Variants in PRR14L observed in about 807,000 individuals in gnomAD.
PRR14L encodes protein PRR14L.
PRR14L carries 80 observed loss-of-function variants against 155.0 expected under a neutral mutation model. That is an observed-to-expected ratio of 0.52 (90% CI 0.43 to 0.62). The LOEUF (loss-of-function observed/expected upper bound fraction) is 0.62. Among genes scored for constraint, PRR14L ranks in the 20% least tolerant of loss-of-function variants. The probability of loss-of-function intolerance (pLI) is 0.00; values close to 1 mark genes in which losing one functional copy is unlikely to be tolerated. For synonymous variants in PRR14L, 883 were observed against 916.0 expected (o/e 0.96, Z 0.65); for missense variants, 2,469 against 2,548.0 (o/e 0.97, Z 0.67).
At chr22:31,704,201 C>T (rs900041531) in intron 5 of PRR14L, among the ~76,000 whole-genome samples, 8 of 152,092 alleles carry the variant, frequency 5.3e-5, no homozygotes, top group African/African-American at 1.9e-4. Flanking sequence ...CCTGTATCTA[C>T]ATATGTAAAA....
At chr22:31,733,809 C>A (rs1483570242) in intron 2 of PRR14L, among the ~76,000 whole-genome samples, 1 of 152,046 alleles carries the variant, frequency 6.6e-6, no homozygotes, top group African/African-American at 2.4e-5. Context: ...AAAAGCGACA[C>A]CCTTAAATCA....
rs556234085 is a variant in PRR14L, at chr22:31,684,382, C to A, written c.*1145G>T. On this transcript the variant is annotated 3_prime_UTR_variant, in exon 9 of 9. Coordinates refer to ENST00000327423, the MANE Select transcript of PRR14L (RefSeq NM_173566.3). The stretch of plus-strand genomic sequence containing the variant: ...CCCGACTCTCTCCCCACACTTGAAG[C>A]GGGCTGCCTGGAAAGCCACAAATAC... 1 of 152,198 alleles carries A rather than the reference C, an allele frequency of 6.6e-6. No individual in the cohort carries two copies. Among genetic ancestry groups the A allele is most frequent in the Non-Finnish European group, 1.5e-5 (1 of 68,050 alleles). 9.4% of individuals were successfully genotyped at this position (152,198 alleles called of 1,614,324 possible). A position where few individuals can be genotyped will look rare whatever the true frequency, so the allele number is the denominator to read the frequency against.
chr22:31,710,499 C>T (rs1325404346), intron 4 of PRR14L, among the ~76,000 whole-genome samples: 1 of 151,618 alleles, frequency 6.6e-6, no homozygotes, highest in Non-Finnish European at 1.5e-5. Flanking sequence ...GTCGCCCAGG[C>T]TGGAGTGCCG....
At chr22:31,726,815 T>C (rs1330089518) in intron 2 of PRR14L, among the ~76,000 whole-genome samples, 1 of 150,572 alleles carries the variant, frequency 6.6e-6, no homozygotes, top group Non-Finnish European at 1.5e-5. Context: ...GGAAACCATA[T>C]AAAACACCCA....
chr22:31,710,654 C>T (rs1028083410), intron 4 of PRR14L, among the ~76,000 whole-genome samples: 6 of 152,002 alleles, frequency 3.9e-5, no homozygotes, highest in Non-Finnish European at 7.4e-5. Context: ...CGGGGTTTCA[C>T]GGTGTTAGCC....
intron 3 of PRR14L, among the ~76,000 whole-genome samples, chr22:31,723,813 T>G (rs1180936509): frequency 6.6e-6 from 1 of 152,162 alleles, no homozygotes; most frequent in Non-Finnish European, 1.5e-5. Context: ...GAGTCAAATC[T>G]GATGTTTCAT....
In PRR14L at chr22:31,715,558, T is replaced by G. The variant is rs1466779050; in HGVS notation, c.2281A>C (p.Asn761His). Residue 761 changes from asparagine to histidine, a missense_variant, in exon 4 of 9, where the codon AAT (asparagine) becomes CAT (histidine). Transcript: ENST00000327423. ...GGAAAGCCAGCTGCTTCTCTCTTATTTGAGCGCAGCCTGGAATGTAGAGCT... is the reference window on the plus strand; with the variant it reads ...GGAAAGCCAGCTGCTTCTCTCTTATGTGAGCGCAGCCTGGAATGTAGAGCT... The part of the protein sequence containing the change: ...TKALHSRLRS[N>H]KREAAGFPQV... 1.3e-6 allele frequency: 2 copies of G among 1,552,118 alleles called. No homozygotes were observed. Among genetic ancestry groups the G allele is most frequent in the East Asian group, 2.4e-5 (1 of 40,926 alleles).
intron 6 of PRR14L, 131 bp downstream of exon 6, chr22:31,703,419 G>T: frequency 1.2e-6 from 1 of 838,830 alleles, no homozygotes. Context: ...GTACTCTCCA[G>T]AACTCGGCTG....
chr22:31,692,769 T>C (rs750113526), intron 7 of PRR14L, among the ~76,000 whole-genome samples: 13 of 152,208 alleles, frequency 8.5e-5, no homozygotes, highest in Non-Finnish European at 1.5e-4. Flanking sequence ...GTGTCCTAAA[T>C]AGTTGAGACT....
rs2074477408 is a variant in PRR14L, at chr22:31,685,429, G to A, written c.*98C>T. 2 of 1,098,922 alleles carry A rather than the reference G, an allele frequency of 1.8e-6. No homozygotes were observed. The highest frequency in any genetic ancestry group is 1.7e-5 in the South Asian group (1 of 58,748). 68.1% of individuals were successfully genotyped at this position (1,098,922 alleles called of 1,614,324 possible). A position where few individuals can be genotyped will look rare whatever the true frequency, so the allele number is the denominator to read the frequency against. On this transcript the variant is annotated 3_prime_UTR_variant, in exon 9 of 9. Coordinates refer to ENST00000327423, the MANE Select transcript of PRR14L (RefSeq NM_173566.3). ...TGGTTTGGCGGTAGGGCAAAATTAGGCAACCTTTTCCAAGGAGGTCCAAAA... is the reference window on the plus strand; with the variant it reads ...TGGTTTGGCGGTAGGGCAAAATTAGACAACCTTTTCCAAGGAGGTCCAAAA...
intron 3 of PRR14L, among the ~76,000 whole-genome samples, chr22:31,718,117 G>A (rs985058639): frequency 2.6e-5 from 4 of 151,660 alleles, no homozygotes; most frequent in Admixed American, 2.0e-4. Context: ...TAGTAGAGAC[G>A]GAGTTTCACC....
At chr22:31,711,438 T>C (rs1308889351) in intron 4 of PRR14L, among the ~76,000 whole-genome samples, 1 of 151,936 alleles carries the variant, frequency 6.6e-6, no homozygotes, top group Non-Finnish European at 1.5e-5. Flanking sequence ...GCCACTGCAT[T>C]CCAGCGTGGG....
At chr22:31,688,103 C>G in intron 8 of PRR14L, 53 bp downstream of exon 8, 3 of 1,513,506 alleles carry the variant, frequency 2.0e-6, no homozygotes, top group Admixed American at 1.9e-5. Context: ...GCTGGAGATT[C>G]ACATCAATCA....
chr22:31,739,149 A>C (rs1601517861), intron 1 of PRR14L, among the ~76,000 whole-genome samples: 1 of 152,238 alleles, frequency 6.6e-6, no homozygotes, highest in East Asian at 1.9e-4. Flanking sequence ...CCTTATGAAC[A>C]ATTCTCAATT....
intron 5 of PRR14L, 36 bp downstream of exon 5, chr22:31,704,619 A>G (rs942302046): frequency 3.8e-6 from 6 of 1,566,024 alleles, no homozygotes; most frequent in African/African-American, 1.3e-5. Context: ...ACACACACGC[A>G]CACGCGCACA....
chr22:31,688,925 C>CACACACACACACAAAA (rs1165552534), intron 7 of PRR14L, among the ~76,000 whole-genome samples: 6 of 151,240 alleles, frequency 4.0e-5, no homozygotes, highest in African/African-American at 1.5e-4. Context: ...CACACACACA[C>CACACACACACACAAAA]AAAAACCCTT....
At chr22:31,720,177 G>A (rs954530728) in intron 3 of PRR14L, among the ~76,000 whole-genome samples, 1 of 152,128 alleles carries the variant, frequency 6.6e-6, no homozygotes, top group African/African-American at 2.4e-5. Context: ...TATATAAAAG[G>A]TGCCTTTCTT....
intron 7 of PRR14L, among the ~76,000 whole-genome samples, chr22:31,697,301 C>CAAAAAAAAAA: frequency 1.7e-5 from 1 of 58,596 alleles, no homozygotes; most frequent in Non-Finnish European, 3.6e-5. Context: ...TACTCTGTCT[C>CAAAAAAAAAA]AAAAAAAAAA....
In PRR14L at chr22:31,703,491, T is replaced by C. The variant is rs189303834; in HGVS notation, c.6000+59A>G. On this transcript the variant is annotated intron_variant, in intron 6 of 8. Coordinates refer to ENST00000327423, the MANE Select transcript of PRR14L (RefSeq NM_173566.3). ...GTCTGTAGCTATAATGCGATGTGAG[T>C]TGACAATGGCCACCTCCAATGCCAC... 200 of 1,517,376 alleles carry C rather than the reference T, an allele frequency of 1.3e-4. 2 individuals are homozygous for C. In the East Asian group the frequency reaches 4.6e-3, roughly 35 times the overall value. The allele number at this position is 1,517,376 out of a possible 1,614,324, so 94.0% of individuals were successfully genotyped here.
Sources: allele counts gnomAD v4.1 joint callset (sites outside exome capture counted in the v4.1 genomes callset), GRCh38; gene constraint gnomAD v4.1.1; transcripts MANE v1.5; gene names NCBI Gene and HGNC (gene_info 2026-07-23, HGNC 2026-07-21).